The following PACRG variants were observed in gnomAD, a reference collection of about 807,000 sequenced individuals.
PACRG encodes parkin coregulated.
Under a neutral mutation model 29.7 loss-of-function variants are expected in PACRG, and 29 were observed. That is an observed-to-expected ratio of 0.98 (90% CI 0.73 to 1.33). The LOEUF (loss-of-function observed/expected upper bound fraction) is 1.33, where lower values mean the gene tolerates loss of function less well. Ranked by LOEUF, PACRG falls within the 40% of genes most tolerant of loss-of-function variation. The pLI, the probability that PACRG is intolerant of heterozygous loss-of-function variation, is 0.00. For synonymous variants in PACRG, 116 were observed against 118.7 expected, an observed-to-expected ratio of 0.98 and a Z score of 0.15; for missense variants, 279 against 316.2, an observed-to-expected ratio of 0.88 and a Z score of 0.89.
intron 2 of PACRG, among the ~76,000 whole-genome samples, chr6:162,859,143 T>A (rs1791647926): frequency 6.6e-6 from 1 of 152,140 alleles, no homozygotes; most frequent in Non-Finnish European, 1.5e-5. Flanking sequence ...TTTCAGTAGA[T>A]GATTGAAGCG....
intron 4 of PACRG, among the ~76,000 whole-genome samples, chr6:163,181,911 G>A (rs915074209): frequency 2.0e-5 from 3 of 152,080 alleles, no homozygotes; most frequent in Admixed American, 6.5e-5. Context: ...GTTCCACCAC[G>A]CCCCCAGAAT....
intron 4 of PACRG, among the ~76,000 whole-genome samples, chr6:163,258,046 T>G (rs1783184267): frequency 6.6e-6 from 1 of 152,194 alleles, no homozygotes. Flanking sequence ...CTTTATTTTT[T>G]TATGTCTCAT....
At chr6:163,201,655 C>T (rs1234193325) in intron 4 of PACRG, among the ~76,000 whole-genome samples, 4 of 152,228 alleles carry the variant, frequency 2.6e-5, no homozygotes, top group Non-Finnish European at 4.4e-5. Context: ...CATGGGCCCC[C>T]ACCCAAGGAG....
intron 4 of PACRG, among the ~76,000 whole-genome samples, chr6:163,154,005 A>G (rs7765970): frequency 0.37 from 55,876 of 152,088 alleles, 10,479 homozygotes; most frequent in African/African-American, 0.45. Context: ...ATTTTGCACC[A>G]GCGATCATAT....
chr6:163,108,740 GT>G (rs1815542097), intron 4 of PACRG, among the ~76,000 whole-genome samples: 1 of 152,110 alleles, frequency 6.6e-6, no homozygotes, highest in South Asian at 2.1e-4. Flanking sequence ...TTCATATTAA[GT>G]TGTTGCGCCA....
intron 2 of PACRG, among the ~76,000 whole-genome samples, chr6:162,992,348 C>A (rs1418798570): frequency 8.1e-6 from 1 of 122,824 alleles, no homozygotes; most frequent in African/African-American, 3.5e-5. Context: ...TGGTAGAATT[C>A]GGCTGTGAAT....
intron 2 of PACRG, among the ~76,000 whole-genome samples, chr6:162,859,698 CAAG>C (rs1375445783): frequency 6.6e-6 from 1 of 152,166 alleles, no homozygotes; most frequent in Non-Finnish European, 1.5e-5. Context: ...ACAGAAAGGC[CAAG>C]AAGAAGCTAA....
chr6:163,238,833 T>C (rs1782351985), intron 4 of PACRG, among the ~76,000 whole-genome samples: 1 of 152,250 alleles, frequency 6.6e-6, no homozygotes, highest in Non-Finnish European at 1.5e-5. Flanking sequence ...AAATGGTGTC[T>C]CTTCTGTATT....
At chr6:162,768,472 T>C (rs1295193085) in intron 1 of PACRG, among the ~76,000 whole-genome samples, 1 of 152,184 alleles carries the variant, frequency 6.6e-6, no homozygotes, top group Non-Finnish European at 1.5e-5. Context: ...AAACATTATT[T>C]ATTGCATTTG....
intron 4 of PACRG, among the ~76,000 whole-genome samples, chr6:163,278,502 A>G (rs1443530151): frequency 6.6e-6 from 1 of 152,076 alleles, no homozygotes; most frequent in Non-Finnish European, 1.5e-5. Flanking sequence ...TCTTGAGTTG[A>G]TTTTTGTATA....
intron 4 of PACRG, among the ~76,000 whole-genome samples, chr6:163,130,750 C>T (rs1296813398): frequency 1.3e-5 from 2 of 152,276 alleles, no homozygotes; most frequent in Non-Finnish European, 2.9e-5. Context: ...GGTCCATGGA[C>T]TGAGAGCACC....
At chr6:162,780,186 T>C (rs1270393656) in intron 1 of PACRG, among the ~76,000 whole-genome samples, 1 of 152,174 alleles carries the variant, frequency 6.6e-6, no homozygotes, top group Non-Finnish European at 1.5e-5. Flanking sequence ...TAAGAAATAG[T>C]TCCTTTTCCC....
At chr6:162,781,221 G>T (rs1229202194) in intron 1 of PACRG, among the ~76,000 whole-genome samples, 2 of 152,006 alleles carry the variant, frequency 1.3e-5, no homozygotes, top group Admixed American at 1.3e-4. Flanking sequence ...AAAGACTGTG[G>T]AAGAGCATCT....
intron 2 of PACRG, among the ~76,000 whole-genome samples, chr6:162,944,994 C>A (rs982430025): frequency 4.0e-5 from 6 of 151,674 alleles, no homozygotes; most frequent in African/African-American, 7.3e-5. Flanking sequence ...TACTGATCCC[C>A]AAATAGAAAG....
At chr6:162,789,938 A>G (rs1193058613) in intron 1 of PACRG, among the ~76,000 whole-genome samples, 2 of 152,146 alleles carry the variant, frequency 1.3e-5, no homozygotes, top group Admixed American at 6.5e-5. Context: ...CTACCTGCAT[A>G]TGGAGTAACA....
At chr6:163,238,591 G>A (rs779376486) in intron 4 of PACRG, among the ~76,000 whole-genome samples, 3 of 152,184 alleles carry the variant, frequency 2.0e-5, no homozygotes, top group East Asian at 1.9e-4. Context: ...TGAAGAAGTC[G>A]TTTCATCCCA....
rs771474054 is a variant in PACRG, at chr6:162,853,185, C to T, written c.291+38904C>T. ...CACTTTCAGAAAAGAGTACACTGAA[C>T]GTTTAAAATCTGGAAATTGAACTCC... On this transcript the variant is annotated intron_variant, in intron 2 of 4. Transcript: ENST00000366888. The surrounding 1 kb of genome is among the most constrained non-coding windows in gnomAD (Gnocchi z 4.7). 1.4e-4 allele frequency among the ~76,000 whole-genome samples: 22 copies of T among 152,162 alleles called. No individual in the cohort carries two copies. Among genetic ancestry groups the T allele is most frequent in the South Asian group, 2.1e-4 (1 of 4,826 alleles).
intron 4 of PACRG, among the ~76,000 whole-genome samples, chr6:163,313,109 T>C (rs1352882741): frequency 6.8e-6 from 1 of 146,894 alleles, no homozygotes; most frequent in African/African-American, 2.5e-5. Flanking sequence ...TGTATATATA[T>C]ATACATATAT....
intron 4 of PACRG, among the ~76,000 whole-genome samples, chr6:163,279,216 C>A (rs1279951169): frequency 1.3e-5 from 2 of 152,176 alleles, no homozygotes; most frequent in Non-Finnish European, 2.9e-5. Flanking sequence ...AATTCCTTTA[C>A]AAGTTCTAGA....
Sources: gnomAD v4.1 joint callset for allele counts (sites outside exome capture counted in the v4.1 genomes callset) on GRCh38, gnomAD v4.1.1 for gene constraint, Gnocchi (gnomAD v3.1) non-coding constraint, MANE v1.5 for transcripts, NCBI Gene and HGNC (gene_info 2026-07-23, HGNC 2026-07-21) for gene names.